The following KCND2 variants were observed in gnomAD, a reference collection of about 807,000 sequenced individuals.
The protein encoded by KCND2 is potassium voltage-gated channel subfamily D member 2.
In KCND2, 16 loss-of-function variants were observed where a neutral mutation model predicts 54.4. The ratio of observed to expected loss-of-function variants is 0.29; its 90% confidence interval spans 0.20 to 0.45. KCND2 has a LOEUF of 0.45. Ranked by LOEUF, KCND2 falls within the 20% of genes least tolerant of loss-of-function variation. The probability of loss-of-function intolerance (pLI) is 1.00; values close to 1 mark genes in which losing one functional copy is unlikely to be tolerated. For missense variants in KCND2, 486 were observed against 824.2 expected (o/e 0.59, Z 5.02); for synonymous variants, 317 against 310.7 (o/e 1.02, Z -0.21).
intron 1 of KCND2, among the ~76,000 whole-genome samples, chr7:120,397,389 G>A (rs1801169929): frequency 6.6e-6 from 1 of 151,982 alleles, no homozygotes. Flanking sequence ...CACTGATATA[G>A]TTAAGGTCTT....
chr7:120,475,424 T>C lies in KCND2; in HGVS notation c.1115+199677T>C, dbSNP rs572760093. On this transcript the variant is annotated intron_variant, in intron 1 of 5. Transcript: ENST00000331113. ...GCAAAATGCTTACCTTGTAGTAGGCTAAATGCCCTATCCCTTTCTTTATTT... is the reference window on the plus strand; with the variant it reads ...GCAAAATGCTTACCTTGTAGTAGGCCAAATGCCCTATCCCTTTCTTTATTT... 1.2e-4 allele frequency among the ~76,000 whole-genome samples: 19 copies of C among 152,338 alleles called. No homozygotes were observed. In the East Asian group the frequency reaches 3.5e-3, roughly 28 times the overall value.
At chr7:120,386,951 G>A (rs1800997419) in intron 1 of KCND2, among the ~76,000 whole-genome samples, 1 of 152,084 alleles carries the variant, frequency 6.6e-6, no homozygotes, top group African/African-American at 2.4e-5. Context: ...AATTATTCCA[G>A]TGATGGGACC....
intron 1 of KCND2, among the ~76,000 whole-genome samples, chr7:120,678,158 T>C (rs1792089756): frequency 6.6e-6 from 1 of 151,658 alleles, no homozygotes. Context: ...TAATGATTCT[T>C]GAACATAAAC....
At chr7:120,305,337 A>G (rs1799637403) in intron 1 of KCND2, among the ~76,000 whole-genome samples, 1 of 152,090 alleles carries the variant, frequency 6.6e-6, no homozygotes, top group South Asian at 2.1e-4. Context: ...TTGCTATGAC[A>G]TTTTATCTCA....
chr7:120,706,231 G>T (rs556158999), intron 1 of KCND2, among the ~76,000 whole-genome samples: 1 of 152,084 alleles, frequency 6.6e-6, no homozygotes, highest in African/African-American at 2.4e-5. Flanking sequence ...TGTGAGTACC[G>T]AAGATTATAT....
chr7:120,460,437 G>T (rs1802266621), intron 1 of KCND2, among the ~76,000 whole-genome samples: 5 of 151,822 alleles, frequency 3.3e-5, no homozygotes, highest in Middle Eastern at 6.8e-3. Flanking sequence ...CTTGCATCCT[G>T]ATTACAAGTA....
intron 1 of KCND2, among the ~76,000 whole-genome samples, chr7:120,300,243 T>C (rs755749580): frequency 2.6e-5 from 4 of 152,162 alleles, no homozygotes; most frequent in Non-Finnish European, 5.9e-5. Flanking sequence ...TAGTGAGATA[T>C]TATAATTTTA....
At chr7:120,479,287 T>A (rs1802570278) in intron 1 of KCND2, among the ~76,000 whole-genome samples, 1 of 152,104 alleles carries the variant, frequency 6.6e-6, no homozygotes, top group Admixed American at 6.6e-5. Context: ...ATTCCTGAGT[T>A]TTTAAAATTT....
chr7:120,615,084 T>C (rs1370007807), intron 1 of KCND2, among the ~76,000 whole-genome samples: 3 of 152,222 alleles, frequency 2.0e-5, no homozygotes, highest in Non-Finnish European at 2.9e-5. Context: ...AGTGATGTTT[T>C]TTAACCAAGA....
intron 1 of KCND2, among the ~76,000 whole-genome samples, chr7:120,551,861 TG>T (rs2116396790): frequency 6.6e-6 from 1 of 152,306 alleles, no homozygotes; most frequent in South Asian, 2.1e-4. Flanking sequence ...TGAAGATGAA[TG>T]AGACAAAAGC....
At chr7:120,630,369 A>G (rs1466114749) in intron 1 of KCND2, among the ~76,000 whole-genome samples, 5 of 152,144 alleles carry the variant, frequency 3.3e-5, no homozygotes, top group Non-Finnish European at 7.4e-5. Context: ...CATTTCTTCA[A>G]TGTGAAAAAA....
At chr7:120,586,365 C>A (rs1369501085) in intron 1 of KCND2, among the ~76,000 whole-genome samples, 1 of 152,028 alleles carries the variant, frequency 6.6e-6, no homozygotes, top group Non-Finnish European at 1.5e-5. Context: ...ATAATGAACT[C>A]CTCTTGTTTT....
At chr7:120,693,482 T>A (rs1308883852) in intron 1 of KCND2, among the ~76,000 whole-genome samples, 1 of 151,772 alleles carries the variant, frequency 6.6e-6, no homozygotes, top group African/African-American at 2.4e-5. Context: ...TTTTTATTTT[T>A]AAAAATAAAA....
chr7:120,453,020 C>G, intron 1 of KCND2, among the ~76,000 whole-genome samples: 1 of 152,154 alleles, frequency 6.6e-6, no homozygotes, highest in East Asian at 1.9e-4. Context: ...AGCTCCTTTG[C>G]CAGTGACTAT....
chr7:120,633,916 G>A (rs1793270076), intron 1 of KCND2, among the ~76,000 whole-genome samples: 2 of 152,102 alleles, frequency 1.3e-5, no homozygotes, highest in South Asian at 2.1e-4. Flanking sequence ...GGGTAGTATA[G>A]CAAGGATTTT....
At chr7:120,419,961 C>G (rs1584771305) in intron 1 of KCND2, among the ~76,000 whole-genome samples, 1 of 147,586 alleles carries the variant, frequency 6.8e-6, no homozygotes, top group East Asian at 2.0e-4. Context: ...TTTTTTCCCT[C>G]CCTTCATCTT....
intron 1 of KCND2, among the ~76,000 whole-genome samples, chr7:120,677,558 TATATAG>T (rs1792081473): frequency 1.6e-4 from 23 of 143,878 alleles, no homozygotes; most frequent in African/African-American, 6.3e-4. Flanking sequence ...GATATATAGA[TATATAG>T]ATATATAGAT....
At chr7:120,707,257 A>G (rs769809899) in intron 1 of KCND2, among the ~76,000 whole-genome samples, 32 of 152,150 alleles carry the variant, frequency 2.1e-4, no homozygotes, top group Non-Finnish European at 4.3e-4. Context: ...ATGCCAGGTG[A>G]TTTATAATAC....
intron 1 of KCND2, among the ~76,000 whole-genome samples, chr7:120,525,604 T>C (rs904789246): frequency 6.6e-6 from 1 of 152,140 alleles, no homozygotes; most frequent in Non-Finnish European, 1.5e-5. Context: ...AATTCATGCC[T>C]TTGCAAGATT....
Sources: gnomAD v4.1 joint callset for allele counts (sites outside exome capture counted in the v4.1 genomes callset) on GRCh38, gnomAD v4.1.1 for gene constraint, MANE v1.5 for transcripts, NCBI Gene and HGNC (gene_info 2026-07-23, HGNC 2026-07-21) for gene names.